DNAH7: variants seen among roughly 807,000 people sequenced by gnomAD.
DNAH7 encodes the protein dynein axonemal heavy chain 7.
A neutral mutation model predicts 444.6 loss-of-function variants in DNAH7; 397 were observed. The observed-to-expected ratio is 0.89, with a 90% CI of 0.82 to 0.97. DNAH7 has a LOEUF of 0.97. Ranked by LOEUF, DNAH7 falls within the 50% of genes least tolerant of loss-of-function variation. DNAH7 has a pLI of 0.00. For synonymous variants in DNAH7, 1,636 were observed against 1,624.4 expected (o/e 1.01, Z -0.17); for missense variants, 4,902 against 4,800.8 (o/e 1.02, Z -0.62).
intron 34 of DNAH7, among the ~76,000 whole-genome samples, chr2:195,885,715 T>C (rs1701666002): frequency 6.6e-6 from 1 of 152,158 alleles, no homozygotes; most frequent in Admixed American, 6.5e-5. Flanking sequence ...TCCAAATATC[T>C]ATTTATACAC....
chr2:195,919,354 T>C (rs1687881726), intron 24 of DNAH7, among the ~76,000 whole-genome samples: 1 of 152,192 alleles, frequency 6.6e-6, no homozygotes. Context: ...AAAAAGTCTT[T>C]TTCTTTTTTA....
At chr2:196,044,405 C>T (rs1045364175) in intron 5 of DNAH7, among the ~76,000 whole-genome samples, 3 of 150,464 alleles carry the variant, frequency 2.0e-5, no homozygotes, top group Non-Finnish European at 4.4e-5. Flanking sequence ...GACACAAAGG[C>T]ATAAGAATGA....
intron 24 of DNAH7, among the ~76,000 whole-genome samples, chr2:195,912,206 C>A (rs190461466): frequency 6.6e-6 from 1 of 152,074 alleles, no homozygotes; most frequent in Non-Finnish European, 1.5e-5. Flanking sequence ...GAAGAAAGAG[C>A]AGCACTTTTC....
At chr2:195,838,705 T>A (rs1333648912) in intron 47 of DNAH7, among the ~76,000 whole-genome samples, 2 of 151,846 alleles carry the variant, frequency 1.3e-5, no homozygotes, top group Non-Finnish European at 2.9e-5. Context: ...CCACTTTAAA[T>A]ATAATAATAT....
chr2:195,950,453 T>C (rs1044548395), intron 19 of DNAH7, among the ~76,000 whole-genome samples: 2 of 152,132 alleles, frequency 1.3e-5, no homozygotes, highest in South Asian at 2.1e-4. Flanking sequence ...CCGGTGGTGA[T>C]ATCCCCTTTA....
intron 1 of DNAH7, among the ~76,000 whole-genome samples, chr2:196,061,723 A>C (rs1698145199): frequency 6.6e-6 from 1 of 152,184 alleles, no homozygotes; most frequent in Admixed American, 6.5e-5. Context: ...GGGTGGAGAA[A>C]AAGAAAGAAT....
intron 38 of DNAH7, among the ~76,000 whole-genome samples, chr2:195,874,653 C>T (rs560789972): frequency 1.8e-4 from 27 of 151,028 alleles, no homozygotes; most frequent in Non-Finnish European, 3.4e-4. Flanking sequence ...GCCCTTGTCT[C>T]CACAAAATAT....
At chr2:195,994,398 G>A (rs1031685180) in intron 12 of DNAH7, 3 of 713,624 alleles carry the variant, frequency 4.2e-6, no homozygotes, top group Non-Finnish European at 7.1e-6. Flanking sequence ...TTCTAGGTTA[G>A]AAGGAATTTG....
chr2:195,979,779 A>C (rs993995252), intron 15 of DNAH7, among the ~76,000 whole-genome samples: 5 of 152,008 alleles, frequency 3.3e-5, no homozygotes, highest in African/African-American at 1.2e-4. Flanking sequence ...GAAAAAGAAG[A>C]CATGACAATC....
intron 6 of DNAH7, 34 bp downstream of exon 6, chr2:196,027,926 T>A (rs1257165630): frequency 6.3e-7 from 1 of 1,586,352 alleles, no homozygotes; most frequent in Non-Finnish European, 8.6e-7. Flanking sequence ...TTCTTTCCTT[T>A]TCAATTATAC....
chr2:196,022,424 C>T (rs1310814110), intron 8 of DNAH7, among the ~76,000 whole-genome samples: 1 of 152,192 alleles, frequency 6.6e-6, no homozygotes, highest in African/African-American at 2.4e-5. Flanking sequence ...TCTGATGCTG[C>T]CTTATCAACT....
chr2:195,976,788 ACTCTCTAATTATTTGG>A (rs1692240951), intron 15 of DNAH7, among the ~76,000 whole-genome samples: 1 of 144,366 alleles, frequency 6.9e-6, no homozygotes. Flanking sequence ...AGAGAGAGAG[ACTCTCTAATTATTTGG>A]GAGAAATTAA....
intron 51 of DNAH7, among the ~76,000 whole-genome samples, chr2:195,811,710 C>T (rs1457493205): frequency 6.6e-6 from 1 of 151,972 alleles, no homozygotes; most frequent in Non-Finnish European, 1.5e-5. Flanking sequence ...TATTGTGCAA[C>T]TCCTAAAACT....
Position 195,884,767 on chromosome 2 carries a change from A to G in DNAH7, c.5581T>C (p.Cys1861Arg). ...FSLIWSVGASCTDDDRLKFNK... is the reference protein window; with the variant it reads ...FSLIWSVGASRTDDDRLKFNK... ...AATTTCAATCGATCATCATCTGTAC[A>G]AGAAGCACCAACGGACCAGATCAAT... Residue 1861 changes from cysteine (C) to arginine (R), a missense_variant, in exon 35 of 65, where the codon TGT becomes CGT. By Grantham distance (180) the Cys-to-Arg change is radical. Coordinates refer to ENST00000312428, the MANE Select transcript of DNAH7 (RefSeq NM_018897.3). 1 of 1,613,964 alleles carries G rather than the reference A, an allele frequency of 6.2e-7. No homozygotes were observed.
At chr2:195,963,658 T>G (rs987756357) in intron 17 of DNAH7, among the ~76,000 whole-genome samples, 127 of 152,326 alleles carry the variant, frequency 8.3e-4, no homozygotes, top group Non-Finnish European at 1.5e-3. Flanking sequence ...CCTGTGCTTG[T>G]GGGGTATTAC....
At chr2:195,858,948 T>G (rs1699872746) in intron 42 of DNAH7, 144 bp from the exon 43 acceptor site, 17 of 654,590 alleles carry the variant, frequency 2.6e-5, no homozygotes, top group Non-Finnish European at 3.3e-5. Context: ...AATGACAATC[T>G]GTCAAAACAT....
chr2:195,983,924 C>T (rs1692736100), intron 15 of DNAH7, among the ~76,000 whole-genome samples: 1 of 152,300 alleles, frequency 6.6e-6, no homozygotes, highest in Non-Finnish European at 1.5e-5. Context: ...GTTAGCATGG[C>T]AATAATTGTT....
Position 195,796,055 on chromosome 2 carries a change from C to T in DNAH7, c.10515+521G>A, listed in dbSNP as rs146201406. ...GTTTTTTTCCTGGAATTTCTGCCAACCAGAACAGGGAAGTCCCACGACCCA... is the reference window on the plus strand; with the variant it reads ...GTTTTTTTCCTGGAATTTCTGCCAATCAGAACAGGGAAGTCCCACGACCCA... On this transcript the variant is annotated intron_variant, in intron 56 of 64. Coordinates refer to ENST00000312428, the MANE Select transcript of DNAH7 (RefSeq NM_018897.3). 3.0e-3 allele frequency among the ~76,000 whole-genome samples: 458 copies of T among 152,194 alleles called. 3 individuals are homozygous for T. Among genetic ancestry groups the T allele is most frequent in the African/African-American group, 0.011 (439 of 41,524 alleles).
chr2:195,973,806 G>A (rs768224132), intron 15 of DNAH7, among the ~76,000 whole-genome samples: 22 of 152,082 alleles, frequency 1.4e-4, no homozygotes, highest in Non-Finnish European at 2.5e-4. Flanking sequence ...ATTAAAAATC[G>A]GCCGGGTGTG....
Sources: allele counts gnomAD v4.1 joint callset (sites outside exome capture counted in the v4.1 genomes callset), GRCh38; gene constraint gnomAD v4.1.1; transcripts MANE v1.5; gene names NCBI Gene and HGNC (gene_info 2026-07-23, HGNC 2026-07-21).